TMEM132D: variants seen among roughly 807,000 people sequenced by gnomAD.
The protein encoded by TMEM132D is mature OL transmembrane protein.
In TMEM132D, 21 loss-of-function variants were observed where a neutral mutation model predicts 62.3. The ratio of observed to expected loss-of-function variants is 0.34; its 90% CI spans 0.24 to 0.49. The LOEUF (loss-of-function observed/expected upper bound fraction) is 0.49. TMEM132D is among the 20% of genes least tolerant of loss of function. The pLI is 0.99. For synonymous variants in TMEM132D, 621 were observed against 575.6 expected (o/e 1.08, Z -1.13); for missense variants, 1,346 against 1,402.8 (o/e 0.96, Z 0.65).
chr12:129,895,878 G>A (rs1439617673), intron 1 of TMEM132D, among the ~76,000 whole-genome samples: 1 of 151,266 alleles, frequency 6.6e-6, no homozygotes, highest in Non-Finnish European at 1.5e-5. Flanking sequence ...ATATGCCTGG[G>A]AAGATAGGTT....
intron 4 of TMEM132D, among the ~76,000 whole-genome samples, chr12:129,232,864 T>G: frequency 6.6e-6 from 1 of 151,256 alleles, no homozygotes; most frequent in Non-Finnish European, 1.5e-5. Flanking sequence ...AAGGAGGAAG[T>G]ACCACACTTT....
At chr12:129,622,701 C>T (rs74541068) in intron 2 of TMEM132D, among the ~76,000 whole-genome samples, 1 of 152,166 alleles carries the variant, frequency 6.6e-6, no homozygotes, top group Non-Finnish European at 1.5e-5. Flanking sequence ...TAGAACCTGG[C>T]GGGGACCATC....
At chr12:129,558,219 C>T (rs905425107) in intron 2 of TMEM132D, among the ~76,000 whole-genome samples, 11 of 152,140 alleles carry the variant, frequency 7.2e-5, no homozygotes, top group African/African-American at 2.4e-4. Context: ...AATTTCCTGA[C>T]CAAATGAAGA....
At chr12:129,529,164 G>A (rs1382175458) in intron 3 of TMEM132D, among the ~76,000 whole-genome samples, 1 of 152,084 alleles carries the variant, frequency 6.6e-6, no homozygotes. Context: ...GAAGAAAAAA[G>A]ATAAAAAAGG....
intron 3 of TMEM132D, among the ~76,000 whole-genome samples, chr12:129,456,992 G>T (rs1873492724): frequency 6.6e-6 from 1 of 152,000 alleles, no homozygotes. Flanking sequence ...ACTGTTGGTG[G>T]GACTGTAAAC....
intron 5 of TMEM132D, among the ~76,000 whole-genome samples, chr12:129,170,776 C>A: frequency 6.6e-6 from 1 of 151,298 alleles, no homozygotes; most frequent in South Asian, 2.1e-4. Context: ...CCACTGCCCT[C>A]CAGCCTGAGC....
intron 1 of TMEM132D, among the ~76,000 whole-genome samples, chr12:129,885,253 G>C (rs932898297): frequency 1.3e-5 from 2 of 152,114 alleles, no homozygotes; most frequent in Non-Finnish European, 2.9e-5. Context: ...ATAGTAGAGG[G>C]AATTTTACTC....
intron 1 of TMEM132D, among the ~76,000 whole-genome samples, chr12:129,734,445 T>C (rs941443858): frequency 1.8e-4 from 28 of 152,336 alleles, no homozygotes; most frequent in Admixed American, 3.9e-4. Context: ...TAAACTTCTA[T>C]AGCAATTATT....
At chr12:129,234,625 T>C (rs150009538) in intron 4 of TMEM132D, among the ~76,000 whole-genome samples, 7 of 152,334 alleles carry the variant, frequency 4.6e-5, no homozygotes, top group Admixed American at 3.9e-4. Context: ...AAATGAAGCA[T>C]AGTGCATGAA....
At chr12:129,383,783 AC>A (rs1871024170) in intron 3 of TMEM132D, among the ~76,000 whole-genome samples, 2 of 152,212 alleles carry the variant, frequency 1.3e-5, no homozygotes, top group Non-Finnish European at 2.9e-5. Context: ...CTTGATTAGT[AC>A]AATGGTTCTT....
chr12:129,192,722 T>C (rs1878439212), intron 5 of TMEM132D, among the ~76,000 whole-genome samples: 3 of 152,108 alleles, frequency 2.0e-5, no homozygotes, highest in Admixed American at 1.3e-4. Context: ...GTGGCACAAA[T>C]GGGGGGTTTG....
intron 2 of TMEM132D, among the ~76,000 whole-genome samples, chr12:129,628,454 T>A (rs1305361348): frequency 6.6e-6 from 1 of 152,168 alleles, no homozygotes; most frequent in African/African-American, 2.4e-5. Context: ...CAGGGACGTG[T>A]CTGTACCCTG....
intron 2 of TMEM132D, among the ~76,000 whole-genome samples, chr12:129,686,893 T>C (rs1397228813): frequency 6.6e-6 from 1 of 152,240 alleles, no homozygotes; most frequent in Non-Finnish European, 1.5e-5. Context: ...CCCAGAGGAA[T>C]GAAAAGACTG....
rs750127903 is a variant in TMEM132D at position 129,081,757 on chromosome 12, A to C, written c.1923+2T>G. The C allele has an allele frequency of 2.0e-6, 3 of 1,474,286 alleles. No individual in the cohort carries two copies. The highest frequency in any genetic ancestry group is 9.0e-7 in the Non-Finnish European group (1 of 1,114,554). The allele number at this position is 1,474,286 out of a possible 1,614,324, so 91.3% of individuals were successfully genotyped here. A position where few individuals can be genotyped will look rare whatever the true frequency, so the allele number is the denominator to read the frequency against. On this transcript the variant is annotated splice_donor_variant, in intron 7 of 8. Transcript: ENST00000422113. LOFTEE classifies it high-confidence loss of function. ...TTTGGGGATTTTTTTTTTTTTTTTTACCTGAATGGTGGTCATCCCAAGCTC... is the reference window on the plus strand; with the variant it reads ...TTTGGGGATTTTTTTTTTTTTTTTTCCCTGAATGGTGGTCATCCCAAGCTC...
intron 2 of TMEM132D, among the ~76,000 whole-genome samples, chr12:129,625,450 T>A: frequency 6.6e-6 from 1 of 152,210 alleles, no homozygotes; most frequent in Non-Finnish European, 1.5e-5. Flanking sequence ...ATCATTTCCA[T>A]ACCCAGGGGA....
chr12:129,899,627 G>T (rs1756317456), intron 1 of TMEM132D, among the ~76,000 whole-genome samples: 1 of 152,144 alleles, frequency 6.6e-6, no homozygotes, highest in African/African-American at 2.4e-5. Context: ...GTGTAGCATA[G>T]CTTCTATAAT....
At position 129,539,234 on chromosome 12, in the gene TMEM132D, AT is replaced by A. The variant is rs151124336; in HGVS notation, c.969-8030del. On this transcript the variant is annotated intron_variant, in intron 2 of 8. Transcript: ENST00000422113. Reference sequence around the variant, plus strand: ...AAACTCGTGAAATGTTTATTTCCGGATTTTTTTTTTTTTTTGAGACAGACTC... The same window carrying A: ...AAACTCGTGAAATGTTTATTTCCGGATTTTTTTTTTTTTTGAGACAGACTC... Among the ~76,000 whole-genome samples, 1,197 of 142,700 alleles carry A rather than the reference AT, an allele frequency of 8.4e-3. 10 individuals are homozygous for A. The highest frequency in any genetic ancestry group is 0.024 in the African/African-American group (921 of 38,540). The allele number at this position is 142,700 out of a possible 152,430, so 93.6% of individuals were successfully genotyped here.
intron 4 of TMEM132D, among the ~76,000 whole-genome samples, chr12:129,315,607 T>C (rs1868461481): frequency 6.6e-6 from 1 of 152,170 alleles, no homozygotes; most frequent in Non-Finnish European, 1.5e-5. Context: ...GTAGTTTTCT[T>C]TTTTGGTTAT....
chr12:129,873,313 A>G (rs1406387556), intron 1 of TMEM132D, among the ~76,000 whole-genome samples: 1 of 152,202 alleles, frequency 6.6e-6, no homozygotes, highest in Non-Finnish European at 1.5e-5. Flanking sequence ...CAAAATGGAA[A>G]GGAAGAGTGT....
Sources: gnomAD v4.1 joint callset for allele counts (sites outside exome capture counted in the v4.1 genomes callset) on GRCh38, gnomAD v4.1.1 for gene constraint, MANE v1.5 for transcripts, NCBI Gene and HGNC (gene_info 2026-07-23, HGNC 2026-07-21) for gene names.